TPD52L1: variants seen among roughly 807,000 people sequenced by gnomAD.
The protein encoded by TPD52L1 is tumor protein D53.
A neutral mutation model predicts 28.7 loss-of-function variants in TPD52L1; 18 were observed. The observed-to-expected ratio is 0.63, with a 90% CI of 0.43 to 0.93. The LOEUF (loss-of-function observed/expected upper bound fraction) is 0.93, where lower values mean the gene tolerates loss of function less well. Ranked by LOEUF, TPD52L1 falls within the 40% of genes least tolerant of loss-of-function variation. The pLI is 0.00. For synonymous variants in TPD52L1, 75 were observed against 88.8 expected (o/e 0.84, Z 0.88); for missense variants, 203 against 254.8 (o/e 0.80, Z 1.39).
chr6:125,224,441 A>G (rs1244528577), intron 2 of TPD52L1, among the ~76,000 whole-genome samples: 1 of 151,184 alleles, frequency 6.6e-6, no homozygotes, highest in Non-Finnish European at 1.5e-5. Flanking sequence ...GGTGTCTTAC[A>G]CTTGCAAAGA....
At chr6:125,154,522 C>A in intron 1 of TPD52L1, 1 of 974,172 alleles carries the variant, frequency 1.0e-6, no homozygotes, top group African/African-American at 1.9e-5. Context: ...TGACCTCCAG[C>A]AGATCCACAC....
chr6:125,241,854 C>A (rs1162360279), intron 3 of TPD52L1, among the ~76,000 whole-genome samples: 4 of 123,782 alleles, frequency 3.2e-5, no homozygotes, highest in African/African-American at 1.2e-4. Context: ...TTTTTTTTTT[C>A]TTCTGCTGGG....
At chr6:125,216,989 C>T (rs1228769263) in intron 1 of TPD52L1, among the ~76,000 whole-genome samples, 2 of 152,022 alleles carry the variant, frequency 1.3e-5, no homozygotes, top group East Asian at 3.9e-4. Flanking sequence ...TAATTATTTG[C>T]CTTTTTCTTT....
rs115470420 is a variant in TPD52L1 at position 125,207,323 on chromosome 6, A to G, written c.20-12755A>G. Among the ~76,000 whole-genome samples the G allele has an allele frequency of 6.0e-3, 907 of 152,334 alleles. 12 individuals carry two copies. Among genetic ancestry groups the G allele is most frequent in the African/African-American group, 0.02 (850 of 41,578 alleles). On this transcript the variant is annotated intron_variant, in intron 1 of 6. Coordinates refer to ENST00000534000, the MANE Select transcript of TPD52L1 (RefSeq NM_003287.4). The stretch of plus-strand genomic sequence containing the variant: ...TTCTGTAACCTAACAGATTTGCATT[A>G]AAATCTCAAGTTCACCACTCATCAG...
intron 2 of TPD52L1, 31 bp from the exon 3 acceptor site, chr6:125,229,087 T>C: frequency 6.2e-7 from 1 of 1,602,680 alleles, no homozygotes; most frequent in Non-Finnish European, 8.5e-7. Context: ...GGTCTGACAT[T>C]TTCCCCCACC....
intron 1 of TPD52L1, among the ~76,000 whole-genome samples, chr6:125,210,543 C>G (rs1300029574): frequency 1.3e-5 from 2 of 151,522 alleles, no homozygotes; most frequent in African/African-American, 4.9e-5. Flanking sequence ...CCAGGGCATT[C>G]ATTTTGTATG....
intron 4 of TPD52L1, among the ~76,000 whole-genome samples, chr6:125,249,290 CTT>C (rs950508568): frequency 8.6e-5 from 13 of 151,532 alleles, no homozygotes; most frequent in Non-Finnish European, 1.6e-4. Flanking sequence ...TCTTTAAAAA[CTT>C]TTCGAGCACA....
chr6:125,191,298 C>T (rs1242338873), intron 1 of TPD52L1, among the ~76,000 whole-genome samples: 1 of 152,166 alleles, frequency 6.6e-6, no homozygotes, highest in Non-Finnish European at 1.5e-5. Flanking sequence ...TTGGCATTTG[C>T]ACCTGTATGT....
intron 4 of TPD52L1, chr6:125,251,958 G>A: frequency 6.6e-7 from 1 of 1,524,212 alleles, no homozygotes; most frequent in Non-Finnish European, 8.8e-7. Context: ...GCAGTGCAGT[G>A]TTTCTCTGCC....
chr6:125,249,502 G>T (rs891897297), intron 4 of TPD52L1, among the ~76,000 whole-genome samples: 24 of 151,602 alleles, frequency 1.6e-4, no homozygotes, highest in Non-Finnish European at 3.2e-4. Flanking sequence ...AACATGGTGA[G>T]ACCCTGTCTC....
At chr6:125,253,913 A>T (rs909208682) in intron 5 of TPD52L1, 158 bp downstream of exon 5, 4 of 814,104 alleles carry the variant, frequency 4.9e-6, no homozygotes, top group Non-Finnish European at 6.5e-6. Flanking sequence ...AGAATTGCGT[A>T]GCTTGGGCTT....
chr6:125,240,201 G>A (rs1399076399), intron 3 of TPD52L1, among the ~76,000 whole-genome samples: 1 of 152,098 alleles, frequency 6.6e-6, no homozygotes, highest in Non-Finnish European at 1.5e-5. Context: ...TTTTATACCA[G>A]TACCATGCTA....
At chr6:125,249,174 C>A (rs891849610) in intron 4 of TPD52L1, among the ~76,000 whole-genome samples, 1 of 150,926 alleles carries the variant, frequency 6.6e-6, no homozygotes, top group African/African-American at 2.4e-5. Flanking sequence ...AGAGGTATTA[C>A]TCTTAGTTTT....
intron 1 of TPD52L1, among the ~76,000 whole-genome samples, chr6:125,177,362 ATCC>A (rs1419993681): frequency 2.0e-5 from 3 of 152,140 alleles, no homozygotes; most frequent in African/African-American, 7.2e-5. Context: ...CCTGGAAGTC[ATCC>A]TCCTTTTTTT....
intron 1 of TPD52L1, among the ~76,000 whole-genome samples, chr6:125,176,482 G>A (rs1009241918): frequency 2.0e-5 from 3 of 152,076 alleles, no homozygotes; most frequent in Admixed American, 2.0e-4. Context: ...TGAGAATTTG[G>A]GGCAGAGGAA....
At chr6:125,176,940 A>T (rs989346813) in intron 1 of TPD52L1, among the ~76,000 whole-genome samples, 1 of 152,108 alleles carries the variant, frequency 6.6e-6, no homozygotes, top group African/African-American at 2.4e-5. Flanking sequence ...TGGGAGGCTG[A>T]GGTGGGAGGA....
In TPD52L1 at chr6:125,193,453, G is replaced by C. The variant is rs1430929051; in HGVS notation, c.20-26625G>C. ...TCAGGAGTATTGGGATGGGAAAATAGCTGAGAACCAGTAGACTCAAGAATG... is the reference window on the plus strand; with the variant it reads ...TCAGGAGTATTGGGATGGGAAAATACCTGAGAACCAGTAGACTCAAGAATG... On this transcript the variant is annotated intron_variant, in intron 1 of 6. Coordinates refer to ENST00000534000, the MANE Select transcript of TPD52L1 (RefSeq NM_003287.4). 3.3e-5 allele frequency among the ~76,000 whole-genome samples: 5 copies of C among 152,038 alleles called. No homozygotes were observed. In the East Asian group the frequency reaches 9.7e-4, roughly 29 times the overall value.
chr6:125,180,163 C>T (rs1356788059), intron 1 of TPD52L1, among the ~76,000 whole-genome samples: 3 of 152,144 alleles, frequency 2.0e-5, no homozygotes, highest in African/African-American at 7.2e-5. Flanking sequence ...TTTGGGAGTC[C>T]TCAAATGTCT....
intron 3 of TPD52L1, among the ~76,000 whole-genome samples, chr6:125,238,945 G>GT (rs1796450409): frequency 6.6e-6 from 1 of 152,196 alleles, no homozygotes; most frequent in Non-Finnish European, 1.5e-5. Flanking sequence ...ATATGCATGT[G>GT]TAAGTGTCTT....
Sources: allele counts gnomAD v4.1 joint callset (sites outside exome capture counted in the v4.1 genomes callset), GRCh38; gene constraint gnomAD v4.1.1; transcripts MANE v1.5; gene names NCBI Gene and HGNC (gene_info 2026-07-23, HGNC 2026-07-21).